Variants in SOBP observed in about 807,000 individuals in gnomAD.
SOBP encodes sine oculis binding protein homolog, also known as sine oculis-binding protein homolog.
Under a neutral mutation model 53.6 loss-of-function variants are expected in SOBP, and 4 were observed. The ratio of observed to expected loss-of-function variants is 0.07; its 90% confidence interval spans 0.04 to 0.17. The LOEUF (loss-of-function observed/expected upper bound fraction) is 0.17, where lower values mean the gene tolerates loss of function less well. Among genes scored for constraint, SOBP ranks in the 10% least tolerant of loss-of-function variants. SOBP has a pLI of 1.00. For synonymous variants in SOBP, 584 were observed against 522.6 expected (o/e 1.12, Z -1.60); for missense variants, 1,088 against 1,204.7 (o/e 0.90, Z 1.43).
chr6:107,499,264 C>A (rs1376343603), intron 1 of SOBP, among the ~76,000 whole-genome samples: 1 of 151,988 alleles, frequency 6.6e-6, no homozygotes, highest in Non-Finnish European at 1.5e-5. Context: ...TCATGCCTGT[C>A]TTTTACCTTC....
chr6:107,596,475 G>T (rs1485725485), intron 5 of SOBP, among the ~76,000 whole-genome samples: 1 of 152,198 alleles, frequency 6.6e-6, no homozygotes, highest in Non-Finnish European at 1.5e-5. Flanking sequence ...CAGTGAGGCA[G>T]GGTAGAGGTT....
rs550624041 is a variant in SOBP at position 107,658,606 on chromosome 6, T to C, written c.*403T>C. On this transcript the variant is annotated 3_prime_UTR_variant, in exon 7 of 7. Transcript: ENST00000317357. ...GATATGGATTGGAACACAAAAAATC[T>C]TTTTTTAATCTTTTTAAAAACTGCT... 6.6e-6 allele frequency: 1 copy of C among 152,400 alleles called. No individual in the cohort carries two copies. Among genetic ancestry groups the C allele is most frequent in the East Asian group, 1.9e-4 (1 of 5,190 alleles). 9.4% of individuals were successfully genotyped at this position (152,400 alleles called of 1,614,324 possible). A position where few individuals can be genotyped will look rare whatever the true frequency, so the allele number is the denominator to read the frequency against.
At chr6:107,648,683 T>C (rs1339097438) in intron 6 of SOBP, among the ~76,000 whole-genome samples, 1 of 152,016 alleles carries the variant, frequency 6.6e-6, no homozygotes, top group Non-Finnish European at 1.5e-5. Context: ...GAACATAGGC[T>C]AGGGGTCAGC....
At chr6:107,620,731 C>A (rs1186388649) in intron 5 of SOBP, among the ~76,000 whole-genome samples, 2 of 152,198 alleles carry the variant, frequency 1.3e-5, no homozygotes, top group Non-Finnish European at 2.9e-5. Context: ...AGATACTAAG[C>A]ACTGAAAGAA....
At chr6:107,644,268 C>T (rs1771461897) in intron 6 of SOBP, among the ~76,000 whole-genome samples, 1 of 152,238 alleles carries the variant, frequency 6.6e-6, no homozygotes, top group Non-Finnish European at 1.5e-5. Flanking sequence ...CGTGCCACTG[C>T]ACTCCAGCCT....
chr6:107,656,303 G>T (rs199736286), intron 6 of SOBP, among the ~76,000 whole-genome samples: 2 of 12,622 alleles, frequency 1.6e-4, no homozygotes, highest in Non-Finnish European at 2.6e-4. Context: ...AAGAAAGAAA[G>T]AAAGAAAGAA....
In SOBP at chr6:107,490,565, C is replaced by T; in HGVS notation, c.-52C>T. 1.4e-6 allele frequency: 2 copies of T among 1,403,400 alleles called. No homozygotes were observed. Among genetic ancestry groups the T allele is most frequent in the Non-Finnish European group, 2.0e-6 (2 of 1,011,694 alleles). 86.9% of individuals were successfully genotyped at this position (1,403,400 alleles called of 1,614,324 possible). ...CCGCCGCCGCCGCCGCCACCACCAC[C>T]GCCGGCGGCGGCAGCAGCCATTTCA... is the stretch of plus-strand genomic sequence containing the variant. On this transcript the variant is annotated 5_prime_UTR_variant, in exon 1 of 7. Coordinates refer to ENST00000317357, the MANE Select transcript of SOBP (RefSeq NM_018013.4).
intron 5 of SOBP, among the ~76,000 whole-genome samples, chr6:107,590,701 G>A (rs1444471428): frequency 6.6e-6 from 1 of 152,144 alleles, no homozygotes; most frequent in Non-Finnish European, 1.5e-5. Context: ...TGTGTAGGGA[G>A]TATATGAAAA....
At chr6:107,586,065 C>T (rs1029036700) in intron 4 of SOBP, among the ~76,000 whole-genome samples, 6 of 152,212 alleles carry the variant, frequency 3.9e-5, no homozygotes, top group Non-Finnish European at 7.3e-5. Context: ...GCTTCCTGTG[C>T]GGCTCTCCCT....
At chr6:107,490,778 G>A in intron 1 of SOBP, 66 bp downstream of exon 1, 2 of 1,266,742 alleles carry the variant, frequency 1.6e-6, no homozygotes, top group Non-Finnish European at 2.2e-6. Context: ...CGTGGGCCGT[G>A]GTATGGATCT....
intron 5 of SOBP, among the ~76,000 whole-genome samples, chr6:107,614,824 A>C (rs1161610571): frequency 6.6e-6 from 1 of 152,192 alleles, no homozygotes; most frequent in Non-Finnish European, 1.5e-5. Context: ...TTTGATGTTG[A>C]TCTATTGTGT....
chr6:107,641,099 C>T (rs1253248312), intron 6 of SOBP, among the ~76,000 whole-genome samples: 3 of 152,236 alleles, frequency 2.0e-5, no homozygotes, highest in South Asian at 2.1e-4. Context: ...GAAGGATTAT[C>T]TTACCTTATT....
intron 4 of SOBP, among the ~76,000 whole-genome samples, chr6:107,547,737 C>T (rs941376218): frequency 3.3e-5 from 5 of 152,162 alleles, no homozygotes; most frequent in African/African-American, 1.2e-4. Flanking sequence ...TGGTTTAATA[C>T]ATAGTACATA....
chr6:107,596,333 T>G lies in SOBP; in HGVS notation c.669+9158T>G, dbSNP rs114298180. ...TTGTAACAACCAATGGTGATATAGA[T>G]TCAATGAACCATGGAGGTGGACGCT... is the stretch of plus-strand genomic sequence containing the variant. On this transcript the variant is annotated intron_variant, in intron 5 of 6. Transcript: ENST00000317357. 2.6e-3 allele frequency among the ~76,000 whole-genome samples: 390 copies of G among 152,324 alleles called. 2 individuals are homozygous for G. Among genetic ancestry groups the G allele is most frequent in the African/African-American group, 8.6e-3 (359 of 41,570 alleles).
intron 1 of SOBP, among the ~76,000 whole-genome samples, chr6:107,493,118 C>T (rs1782617594): frequency 6.6e-6 from 1 of 152,138 alleles, no homozygotes; most frequent in African/African-American, 2.4e-5. Context: ...TCCTCCAGCT[C>T]CCTGAACCTA....
At chr6:107,626,238 G>A (rs1002621414) in intron 5 of SOBP, among the ~76,000 whole-genome samples, 42 of 152,162 alleles carry the variant, frequency 2.8e-4, no homozygotes, top group African/African-American at 4.8e-5. Context: ...GCTAAAAGCT[G>A]TTAGTTGCAT....
chr6:107,633,099 G>A (rs1028922037), intron 5 of SOBP, among the ~76,000 whole-genome samples: 3 of 152,122 alleles, frequency 2.0e-5, no homozygotes, highest in African/African-American at 7.2e-5. Flanking sequence ...AATTGTAAGG[G>A]GTAATATTTC....
chr6:107,506,183 T>C, intron 2 of SOBP, 59 bp from the exon 3 acceptor site: 1 of 1,482,770 alleles, frequency 6.7e-7, no homozygotes, highest in Non-Finnish European at 9.4e-7. Flanking sequence ...TAAGGAAAAA[T>C]TTAAGTCTAC....
chr6:107,617,820 C>CTTTTT (rs71551315), intron 5 of SOBP, among the ~76,000 whole-genome samples: 9 of 101,188 alleles, frequency 8.9e-5, no homozygotes, highest in African/African-American at 1.1e-4. Context: ...TGTATGACTC[C>CTTTTT]TTTTTTTTTT....
Sources: allele counts gnomAD v4.1 joint callset (sites outside exome capture counted in the v4.1 genomes callset), GRCh38; gene constraint gnomAD v4.1.1; transcripts MANE v1.5; gene names NCBI Gene and HGNC (gene_info 2026-07-23, HGNC 2026-07-21).